The following ATP5F1A variants were observed in gnomAD, a reference collection of about 807,000 sequenced individuals.
ATP5F1A encodes the protein ATP synthase F(1) complex subunit alpha, mitochondrial.
In ATP5F1A, 24 loss-of-function variants were observed where a neutral mutation model predicts 57.4. The observed-to-expected ratio is 0.42, with a 90% CI of 0.30 to 0.59. The LOEUF is 0.59. Ranked by LOEUF, ATP5F1A falls within the 20% of genes least tolerant of loss-of-function variation. The pLI is 0.19. For synonymous variants in ATP5F1A, 251 were observed against 255.5 expected, an observed-to-expected ratio of 0.98 and a Z score of 0.17; for missense variants, 494 against 707.9, an observed-to-expected ratio of 0.70 and a Z score of 3.43.
intron 1 of ATP5F1A, chr18:46,097,691 C>G: frequency 6.5e-6 from 3 of 463,820 alleles, no homozygotes; most frequent in Non-Finnish European, 8.5e-6. Flanking sequence ...TTCCTCTAAA[C>G]TGAGCTCCAG....
intron 1 of ATP5F1A, among the ~76,000 whole-genome samples, chr18:46,097,073 T>A (rs2144220559): frequency 6.6e-6 from 1 of 151,982 alleles, no homozygotes; most frequent in Middle Eastern, 3.4e-3. Context: ...CATGTGGACT[T>A]ATTTTACTCT....
chr18:46,090,651 T>C (rs138527413), intron 3 of ATP5F1A, among the ~76,000 whole-genome samples: 98 of 152,346 alleles, frequency 6.4e-4, no homozygotes, highest in African/African-American at 2.2e-3. Context: ...TGGAGTATCA[T>C]GGAATATCAT....
rs1910903648 is a variant in ATP5F1A at position 46,095,795 on chromosome 18, A to T, written c.61-664T>A. Among the ~76,000 whole-genome samples the T allele has an allele frequency of 4.0e-5, 6 of 151,420 alleles. No individual in the cohort carries two copies. The South Asian group carries it at 1.3e-3, about 32-fold the overall frequency. ...CCTGGCCAGGCTAATTTTTGTACTT[A>T]TTTTTTTTATAGAGACAGGATTTCA... On this transcript the variant is annotated intron_variant, in intron 1 of 11. Transcript: ENST00000398752.
At chr18:46,103,076 C>T (rs560117685), upstream of ATP5F1A, among the ~76,000 whole-genome samples, 1 of 152,210 alleles carries the variant, frequency 6.6e-6, no homozygotes, top group African/African-American at 2.4e-5. Flanking sequence ...CCGAGGCAGG[C>T]AGATCACTTG....
intron 10 of ATP5F1A, chr18:46,085,032 C>T (rs1481919054): frequency 1.3e-5 from 2 of 158,942 alleles, no homozygotes; most frequent in African/African-American, 2.4e-5. Flanking sequence ...GGGGAGGGGA[C>T]TCTAACAGGC....
rs919026024 is a variant in ATP5F1A, at chr18:46,087,443, G to C, written c.849C>G (p.Ala283=). ...AGTAAGGAGCCAGGTACTGAAGTGG[G>C]GCAGCATCCGAGGCCGTAGCCGACA... The part of the protein sequence containing the change: ...IVVSATASDA[A]PLQYLAPYSG... The change falls in exon 7 of 12, where the codon GCC becomes GCG. Residue 283 remains alanine (A), a synonymous_variant. Coordinates refer to ENST00000398752, the MANE Select transcript of ATP5F1A (RefSeq NM_004046.6). The C allele has an allele frequency of 1.2e-6, 2 of 1,614,032 alleles. No individual in the cohort carries two copies. Among genetic ancestry groups the C allele is most frequent in the Non-Finnish European group, 1.7e-6 (2 of 1,180,038 alleles).
rs202149613 is a variant in ATP5F1A, at chr18:46,088,187, T to G, written c.721A>C (p.Lys241Gln). The change falls in exon 6 of 12, where the codon AAG becomes CAG. Residue 241 changes from lysine (K) to glutamine (Q), a missense_variant. This residue lies in a region of ATP5F1A where 191 missense variants were observed against 267.7 expected (regional missense o/e 0.71). Transcript: ENST00000398752. ...ATAGCAACATAAATACAGTACAGCT[T>G]CTTCTTTTCATCAGATCCATCATTG... ...RFNDGSDEKK[K>Q]LYCIYVAIGQ... 31 of 1,606,262 alleles carry G rather than the reference T, an allele frequency of 1.9e-5. No homozygotes were observed. The highest frequency in any genetic ancestry group is 3.3e-4 in the Middle Eastern group (2 of 6,030).
chr18:46,089,139 C>CA (rs766549975), intron 5 of ATP5F1A, among the ~76,000 whole-genome samples: 6 of 152,136 alleles, frequency 3.9e-5, no homozygotes, highest in South Asian at 4.2e-4. Flanking sequence ...TGAGGGAACT[C>CA]AGAGACCAGT....
At chr18:46,092,617 T>TTATATATATATA (rs10524147) in intron 2 of ATP5F1A, among the ~76,000 whole-genome samples, 9 of 146,466 alleles carry the variant, frequency 6.1e-5, no homozygotes, top group African/African-American at 2.0e-4. Context: ...CACACAAAAA[T>TTATATATATATA]TATATATATA....
At chr18:46,086,744 A>G (rs1270532178) in intron 8 of ATP5F1A, 1 of 598,466 alleles carries the variant, frequency 1.7e-6, no homozygotes, top group Non-Finnish European at 2.9e-6. Context: ...TATAATTTCT[A>G]TTTGATTCAA....
chr18:46,086,584 C>T (rs1416860209), intron 8 of ATP5F1A, 90 bp from the exon 9 acceptor site: 6 of 1,248,028 alleles, frequency 4.8e-6, no homozygotes, highest in Non-Finnish European at 6.7e-6. Context: ...AAAGCTGAAA[C>T]TCAAAACCTA....
rs1282607492 is a variant in ATP5F1A at position 46,082,675 on chromosome 18, T to A, written c.*1607A>T. ...TCCAGCCTGGACGACGGAGACTCCA[T>A]CTCAAATAAATAAATAACTAAGTAA... On this transcript the variant is annotated 3_prime_UTR_variant, in exon 12 of 12. Transcript: ENST00000398752. The A allele has an allele frequency of 1.3e-5, 2 of 151,644 alleles. No individual in the cohort carries two copies. The highest frequency in any genetic ancestry group is 3.9e-4 in the East Asian group (2 of 5,180). The allele number at this position is 151,644 out of a possible 1,614,324, so 9.4% of individuals were successfully genotyped here. A position where few individuals can be genotyped will look rare whatever the true frequency, so the allele number is the denominator to read the frequency against.
chr18:46,088,220 T>C lies in ATP5F1A; in HGVS notation c.688A>G (p.Lys230Glu). The change falls in exon 6 of 12, where the codon AAA becomes GAA. Residue 230 changes from lysine to glutamate, a missense_variant. Lys to Glu is a moderately conservative substitution (Grantham distance 56, BLOSUM62 1). Coordinates refer to ENST00000398752, the MANE Select transcript of ATP5F1A (RefSeq NM_004046.6). ...SIAIDTIINQKRFNDGSDEKK... is the reference protein window; with the variant it reads ...SIAIDTIINQERFNDGSDEKK... The stretch of plus-strand genomic sequence containing the variant: ...TCATCAGATCCATCATTGAAACGTT[T>C]CTGGTTAATGATTGTGTCAATAGCA... 3.1e-6 allele frequency: 5 copies of C among 1,595,838 alleles called. No individual in the cohort carries two copies. The highest frequency in any genetic ancestry group is 3.4e-6 in the Non-Finnish European group (4 of 1,176,046).
upstream of ATP5F1A, chr18:46,098,362 A>AACCCCCCCCCCCCCCCCCCC (rs1555696620): frequency 8.4e-7 from 1 of 1,192,938 alleles, no homozygotes; most frequent in Admixed American, 3.4e-5. Flanking sequence ...CCTCGCGTTC[A>AACCCCCCCCCCCCCCCCCCC]CCACCTCTCC....
At chr18:46,099,670 G>A (rs1475751873), upstream of ATP5F1A, among the ~76,000 whole-genome samples, 2 of 152,050 alleles carry the variant, frequency 1.3e-5, no homozygotes, top group African/African-American at 4.8e-5. Flanking sequence ...ATGTTGCCCA[G>A]GCTGGTCTCG....
At chr18:46,101,012 C>G (rs1911260011), upstream of ATP5F1A, among the ~76,000 whole-genome samples, 1 of 152,094 alleles carries the variant, frequency 6.6e-6, no homozygotes, top group Non-Finnish European at 1.5e-5. Context: ...GCAGAGGTTG[C>G]AGTGAGCCAA....
intron 9 of ATP5F1A, 45 bp from the exon 10 acceptor site, chr18:46,086,302 A>G (rs1910090458): frequency 6.2e-7 from 1 of 1,611,214 alleles, no homozygotes; most frequent in Admixed American, 1.7e-5. Flanking sequence ...GACACAGAGC[A>G]CTATACAAAT....
chr18:46,086,697 CA>C (rs1439572468), intron 8 of ATP5F1A: 1 of 601,688 alleles, frequency 1.7e-6, no homozygotes, highest in Non-Finnish European at 2.9e-6. Flanking sequence ...ACATAATAGG[CA>C]ACATATTTAT....
At chr18:46,088,296 T>G in intron 5 of ATP5F1A, 39 bp from the exon 6 acceptor site, 1 of 1,511,048 alleles carries the variant, frequency 6.6e-7, no homozygotes, top group Non-Finnish European at 8.9e-7. Context: ...TTCCTAAACT[T>G]AAAAGGACTT....
Sources: gnomAD v4.1 joint callset for allele counts (sites outside exome capture counted in the v4.1 genomes callset) on GRCh38, gnomAD v4.1.1 for gene constraint, gnomAD v4.1.1 regional missense constraint, MANE v1.5 for transcripts, NCBI Gene and HGNC (gene_info 2026-07-23, HGNC 2026-07-21) for gene names.